ADAM9: variants seen among roughly 807,000 people sequenced by gnomAD.
ADAM9 encodes the protein ADAM metallopeptidase domain 9, also known as disintegrin and metalloproteinase domain-containing protein 9.
Under a neutral mutation model 108.1 loss-of-function variants are expected in ADAM9, and 54 were observed. The ratio of observed to expected loss-of-function variants is 0.50; its 90% CI spans 0.40 to 0.63. ADAM9 has a LOEUF of 0.63. Ranked by LOEUF, ADAM9 falls within the 20% of genes least tolerant of loss-of-function variation. The pLI is 0.00. For missense variants in ADAM9, 830 were observed against 997.7 expected (o/e 0.83, Z 2.26); for synonymous variants, 316 against 336.0 (o/e 0.94, Z 0.65).
At chr8:39,026,109 T>TA (rs368223722) in intron 10 of ADAM9, among the ~76,000 whole-genome samples, 62 of 152,346 alleles carry the variant, frequency 4.1e-4, no homozygotes, top group African/African-American at 1.4e-3. Context: ...TATTTTACTT[T>TA]AAGTTCTGGG....
intron 1 of ADAM9, among the ~76,000 whole-genome samples, chr8:38,998,210 T>C (rs2129430497): frequency 6.6e-6 from 1 of 152,362 alleles, no homozygotes; most frequent in Non-Finnish European, 1.5e-5. Context: ...TATCTTTGGC[T>C]GCTTTATTTG....
Position 39,021,724 on chromosome 8 carries a change from A to G in ADAM9, c.744+10A>G, listed in dbSNP as rs372950167. The G allele has an allele frequency of 5.0e-6, 8 of 1,605,314 alleles. No individual in the cohort carries two copies. The highest frequency in any genetic ancestry group is 1.1e-5 in the South Asian group (1 of 90,878). On this transcript the variant is annotated intron_variant, in intron 8 of 21. Coordinates refer to ENST00000487273, the MANE Select transcript of ADAM9 (RefSeq NM_003816.3). ...AAACTACTTGGATAGTGTAAGTTGT[A>G]TTTTCTATCAACCAGGATGATTCTG... is the stretch of plus-strand genomic sequence containing the variant.
At chr8:39,098,639 A>G (rs1193791388) in intron 20 of ADAM9, among the ~76,000 whole-genome samples, 1 of 152,086 alleles carries the variant, frequency 6.6e-6, no homozygotes, top group Non-Finnish European at 1.5e-5. Flanking sequence ...ATTGTTTGTT[A>G]TAGTTTTATT....
At chr8:39,030,713 C>T (rs1204508534) in intron 11 of ADAM9, among the ~76,000 whole-genome samples, 2 of 152,308 alleles carry the variant, frequency 1.3e-5, no homozygotes, top group African/African-American at 2.4e-5. Context: ...GTATTCCCAC[C>T]AACAGTGAAT....
intron 12 of ADAM9, among the ~76,000 whole-genome samples, chr8:39,051,199 C>A (rs1391647172): frequency 6.6e-6 from 1 of 152,136 alleles, no homozygotes; most frequent in African/African-American, 2.4e-5. Flanking sequence ...AGGAAGCACT[C>A]TAAAAAACTG....
chr8:39,025,418 C>T (rs528117238), intron 9 of ADAM9, among the ~76,000 whole-genome samples: 1 of 152,262 alleles, frequency 6.6e-6, no homozygotes, highest in East Asian at 1.9e-4. Flanking sequence ...CTCATGTTCA[C>T]CCTGCTCACT....
rs1839821412 is a variant in ADAM9 at position 39,105,006 on chromosome 8, G to A, written c.*1306G>A. 4.7e-6 allele frequency: 2 copies of A among 428,904 alleles called. No homozygotes were observed. The highest frequency in any genetic ancestry group is 9.1e-6 in the Non-Finnish European group (2 of 219,888). 26.6% of individuals were successfully genotyped at this position (428,904 alleles called of 1,614,324 possible). On this transcript the variant is annotated 3_prime_UTR_variant, in exon 22 of 22. Coordinates refer to ENST00000487273, the MANE Select transcript of ADAM9 (RefSeq NM_003816.3). ...AATAAAATACTTGAAATTCTCTTTT[G>A]TGTCTCCTAGTAGCTTCCTACTCAA... is the stretch of plus-strand genomic sequence containing the variant.
At chr8:38,997,209 G>C (rs749999827) in intron 1 of ADAM9, 49 bp downstream of exon 1, 14 of 1,551,470 alleles carry the variant, frequency 9.0e-6, no homozygotes, top group Non-Finnish European at 1.2e-5. Context: ...TCCTAGGGAC[G>C]GGGCGCTCGG....
intron 12 of ADAM9, among the ~76,000 whole-genome samples, chr8:39,044,916 A>ATG (rs1193171837): frequency 2.7e-4 from 41 of 150,722 alleles, no homozygotes; most frequent in East Asian, 3.9e-4. Flanking sequence ...ATACATATGT[A>ATG]TGTATATATG....
chr8:39,017,656 A>G (rs544736148), intron 6 of ADAM9, among the ~76,000 whole-genome samples: 22 of 152,312 alleles, frequency 1.4e-4, no homozygotes, highest in Admixed American at 5.2e-4. Flanking sequence ...ATCTGCAACA[A>G]TGTTCACTGT....
rs1257303712 is a variant in ADAM9 at position 39,045,072 on chromosome 8, ATGTGTGTGTGCATACATACATATG to A, written c.1302+2964_1302+2987del. Among the ~76,000 whole-genome samples, 32 of 34,034 alleles carry A rather than the reference ATGTGTGTGTGCATACATACATATG, an allele frequency of 9.4e-4. 9 individuals are homozygous for A. Among genetic ancestry groups the A allele is most frequent in the African/African-American group, 2.8e-3 (30 of 10,826 alleles). 22.3% of individuals were successfully genotyped at this position (34,034 alleles called of 152,430 possible). ...TGTATGTGTGTGTGCATACATACAT[ATGTGTGTGTGCATACATACATATG>A]TGTGTGTGCATACATACATATGTGT... On this transcript the variant is annotated intron_variant, in intron 12 of 21. Transcript: ENST00000487273.
rs1240571276 is a variant in ADAM9 at position 39,104,120 on chromosome 8, T to A, written c.*420T>A. 1 of 455,848 alleles carries A rather than the reference T, an allele frequency of 2.2e-6. No individual in the cohort carries two copies. Among genetic ancestry groups the A allele is most frequent in the African/African-American group, 2.0e-5 (1 of 50,232 alleles). 28.2% of individuals were successfully genotyped at this position (455,848 alleles called of 1,614,324 possible). On this transcript the variant is annotated 3_prime_UTR_variant, in exon 22 of 22. Transcript: ENST00000487273. Reference sequence around the variant, plus strand: ...CCTCATTGAACATGTGATAATCTAATACCTGTGAAAACTGACTAATCAGCT... The same window carrying A: ...CCTCATTGAACATGTGATAATCTAAAACCTGTGAAAACTGACTAATCAGCT...
intron 12 of ADAM9, among the ~76,000 whole-genome samples, chr8:39,053,236 A>G (rs1193733397): frequency 1.3e-5 from 2 of 152,162 alleles, no homozygotes; most frequent in Admixed American, 6.5e-5. Flanking sequence ...CAAGTTCTCT[A>G]TCAGATTGTC....
intron 10 of ADAM9, 99 bp from the exon 11 acceptor site, chr8:39,026,578 G>GT: frequency 6.9e-7 from 1 of 1,443,050 alleles, no homozygotes; most frequent in South Asian, 1.2e-5. Context: ...GCTGTCAACA[G>GT]TGTAGTGAAT....
intron 15 of ADAM9, among the ~76,000 whole-genome samples, chr8:39,073,266 G>A (rs576082029): frequency 6.6e-5 from 10 of 152,286 alleles, no homozygotes; most frequent in Non-Finnish European, 1.2e-4. Context: ...GTGTGTTGAA[G>A]TCTCCAGTTA....
At position 38,997,043 on chromosome 8, in the gene ADAM9, G is replaced by T; in HGVS notation, c.-21G>T. On this transcript the variant is annotated 5_prime_UTR_variant, in exon 1 of 22. Coordinates refer to ENST00000487273, the MANE Select transcript of ADAM9 (RefSeq NM_003816.3). ...GGTGGAGGCGACCGAGTGCTGAGAG[G>T]AACCTGCGGAATCGGCCGAGATGGG... The T allele has an allele frequency of 1.2e-6, 2 of 1,605,068 alleles. No individual in the cohort carries two copies. The highest frequency in any genetic ancestry group is 8.5e-7 in the Non-Finnish European group (1 of 1,179,274).
chr8:39,071,541 G>T lies in ADAM9; in HGVS notation c.1697+138G>T, dbSNP rs567804741. On this transcript the variant is annotated intron_variant, in intron 15 of 21. Transcript: ENST00000487273. ...GAGTGCAGTGGCGCGATCTCGGCTCGCTGCACCCTCCGCCTCCCAGGTTCA... is the reference window on the plus strand; with the variant it reads ...GAGTGCAGTGGCGCGATCTCGGCTCTCTGCACCCTCCGCCTCCCAGGTTCA... 5.7e-5 allele frequency: 41 copies of T among 723,862 alleles called. No homozygotes were observed. The Admixed American group carries it at 8.9e-4, about 16-fold the overall frequency. The allele number at this position is 723,862 out of a possible 1,614,324, so 44.8% of individuals were successfully genotyped here.
chr8:39,039,854 T>C (rs1478783395), intron 11 of ADAM9, among the ~76,000 whole-genome samples: 2 of 152,186 alleles, frequency 1.3e-5, no homozygotes, highest in African/African-American at 4.8e-5. Flanking sequence ...CAGACGTCTT[T>C]ATGAGGTGGT....
chr8:39,011,762 T>G, intron 3 of ADAM9, 46 bp downstream of exon 3: 2 of 1,525,820 alleles, frequency 1.3e-6, no homozygotes, highest in Non-Finnish European at 1.8e-6. Context: ...GTTTTTCCAA[T>G]AGTATATTGG....
Sources: allele counts gnomAD v4.1 joint callset (sites outside exome capture counted in the v4.1 genomes callset), GRCh38; gene constraint gnomAD v4.1.1; transcripts MANE v1.5; gene names NCBI Gene and HGNC (gene_info 2026-07-23, HGNC 2026-07-21).